Variants in EIF3K observed in about 807,000 individuals in gnomAD.
EIF3K encodes eIF-3 p28.
Under a neutral mutation model 34.2 loss-of-function variants are expected in EIF3K, and 27 were observed. That is an observed-to-expected ratio of 0.79 (90% CI 0.58 to 1.09). The LOEUF is 1.09. Among genes scored for constraint, EIF3K ranks in the 50% least tolerant of loss-of-function variants. The pLI is 0.00. For synonymous variants in EIF3K, 105 were observed against 105.7 expected (o/e 0.99, Z 0.04); for missense variants, 232 against 275.4 (o/e 0.84, Z 1.11).
At position 38,631,267 on chromosome 19, in the gene EIF3K, C is replaced by T. The variant is rs184884635; in HGVS notation, c.355-1163C>T. Among the ~76,000 whole-genome samples, 13 of 152,234 alleles carry T rather than the reference C, an allele frequency of 8.5e-5. 1 individual carries two copies. The East Asian group carries it at 2.5e-3, about 29-fold the overall frequency. On this transcript the variant is annotated intron_variant, in intron 4 of 7. Coordinates refer to ENST00000248342, the MANE Select transcript of EIF3K (RefSeq NM_013234.4). ...GGGGCCCAGGGGACCGCGTTCAGCA[C>T]ACGGAGGATCCCACCGGCCTCTGAG...
In EIF3K at chr19:38,626,138, C is replaced by T. The variant is rs764723245; in HGVS notation, c.354+36C>T. 4 of 1,593,054 alleles carry T rather than the reference C, an allele frequency of 2.5e-6. No homozygotes were observed. In the African/African-American group the frequency reaches 5.4e-5, roughly 21 times the overall value. The stretch of plus-strand genomic sequence containing the variant: ...TGGGGTCCAGGGGCAGGGGAGATGG[C>T]AGGGCCATGTGGAGCTGAGTGCTAA... On this transcript the variant is annotated intron_variant, in intron 4 of 7. Coordinates refer to ENST00000248342, the MANE Select transcript of EIF3K (RefSeq NM_013234.4).
intron 2 of EIF3K, among the ~76,000 whole-genome samples, chr19:38,623,303 C>G (rs1365930971): frequency 6.6e-6 from 1 of 152,180 alleles, no homozygotes; most frequent in Non-Finnish European, 1.5e-5. Flanking sequence ...CCCTGACTTC[C>G]CGCAACAGGT....
At chr19:38,630,409 A>G (rs1031928865) in intron 4 of EIF3K, among the ~76,000 whole-genome samples, 2 of 150,816 alleles carry the variant, frequency 1.3e-5, no homozygotes, top group Non-Finnish European at 3.0e-5. Context: ...CAGTGGCACA[A>G]TCTCAGCTCA....
At chr19:38,625,518 C>CTTTT (rs58008087) in intron 3 of EIF3K, among the ~76,000 whole-genome samples, 3 of 145,778 alleles carry the variant, frequency 2.1e-5, no homozygotes, top group African/African-American at 7.9e-5. Context: ...TTAATATTTT[C>CTTTT]TTTTTTTTTG....
At chr19:38,620,548 G>A (rs897918809) in intron 2 of EIF3K, 113 bp downstream of exon 2, 12 of 915,262 alleles carry the variant, frequency 1.3e-5, no homozygotes, top group African/African-American at 4.9e-5. Context: ...GCATCTCTTG[G>A]TGTGCAAGAC....
At chr19:38,619,947 T>C (rs541658260) in intron 1 of EIF3K, among the ~76,000 whole-genome samples, 2 of 151,998 alleles carry the variant, frequency 1.3e-5, no homozygotes, top group East Asian at 3.9e-4. Context: ...CAGGTGGACA[T>C]GGAGGAAGTA....
At chr19:38,620,274 C>T in intron 1 of EIF3K, 63 bp from the exon 2 acceptor site, 1 of 1,438,296 alleles carries the variant, frequency 7.0e-7, no homozygotes, top group Middle Eastern at 2.2e-4. Flanking sequence ...GCCCCTTGCT[C>T]CATAAGGTGG....
At chr19:38,628,424 C>T (rs1855232257) in intron 4 of EIF3K, 1 of 152,474 alleles carries the variant, frequency 6.6e-6, no homozygotes, top group African/African-American at 2.4e-5. Context: ...TTCCTCCTAG[C>T]TTCTCAGCTC....
Position 38,619,210 on chromosome 19 carries a change from GGA to G in EIF3K, c.-58_-57del. ...CACCTCTTCCTGTTCCCGTCCTTGA[GGA>G]CGCCGTGCCGGGTCAGTGTTAGCCT... On this transcript the variant is annotated 5_prime_UTR_variant, in exon 1 of 8. Transcript: ENST00000248342. 2 of 1,590,860 alleles carry G rather than the reference GGA, an allele frequency of 1.3e-6. No homozygotes were observed. Among genetic ancestry groups the G allele is most frequent in the South Asian group, 2.2e-5 (2 of 89,810 alleles).
chr19:38,628,857 C>T (rs987344888), intron 4 of EIF3K, among the ~76,000 whole-genome samples: 1 of 151,966 alleles, frequency 6.6e-6, no homozygotes, highest in Non-Finnish European at 1.5e-5. Context: ...GCATGTGACT[C>T]CCCTGTCCCC....
chr19:38,632,442 G>GAAA lies in EIF3K; in HGVS notation c.369_371dup (p.Glu123_Asn124insLys). ...ATTCCCATCACAGCAAGCCCTGGAT[G>GAAA]AAAACATGGACCTCTTGGAAGGTAT... On this transcript the variant is annotated inframe_insertion, in exon 5 of 8. Transcript: ENST00000248342. The GAAA allele has an allele frequency of 1.2e-6, 2 of 1,614,122 alleles. No homozygotes were observed.
At chr19:38,624,268 G>A in intron 3 of EIF3K, 71 bp downstream of exon 3, 2 of 1,600,762 alleles carry the variant, frequency 1.2e-6, no homozygotes, top group East Asian at 2.2e-5. Context: ...AATTCCCAGG[G>A]AGATGGTCTG....
intron 7 of EIF3K, among the ~76,000 whole-genome samples, 187 bp from the exon 8 acceptor site, chr19:38,636,702 G>T (rs1238741567): frequency 6.6e-6 from 1 of 152,120 alleles, no homozygotes; most frequent in Non-Finnish European, 1.5e-5. Flanking sequence ...GCTGGGATTT[G>T]AACCTAGCCC....
At position 38,635,011 on chromosome 19, in the gene EIF3K, G is replaced by A. The variant is rs1265084257; in HGVS notation, c.518G>A (p.Trp173Ter). The change falls in exon 7 of 8, where the codon TGG (tryptophan) becomes TAG (stop). Residue 173 changes from tryptophan to a stop codon, truncating the protein, a stop_gained. Transcript: ENST00000248342. LOFTEE classifies it high-confidence loss of function. Reference sequence around the variant, plus strand: ...CCTGCAGACAGCCAGCTAAAGGTGTGGATGAGCAAATACGGCTGGAGTGCC... The same window carrying A: ...CCTGCAGACAGCCAGCTAAAGGTGTAGATGAGCAAATACGGCTGGAGTGCC... ...GDLSDSQLKV[W>*]MSKYGWSADE... The A allele has an allele frequency of 6.2e-7, 1 of 1,614,052 alleles. No individual in the cohort carries two copies. The highest frequency in any genetic ancestry group is 1.7e-5 in the Admixed American group (1 of 60,012).
At chr19:38,632,892 C>T (rs778977900) in intron 6 of EIF3K, 3 of 516,312 alleles carry the variant, frequency 5.8e-6, no homozygotes, top group Non-Finnish European at 3.4e-6. Flanking sequence ...AATTGAGTGC[C>T]TACCGTGTGT....
intron 4 of EIF3K, among the ~76,000 whole-genome samples, chr19:38,630,343 A>T (rs78169965): frequency 0.054 from 7,054 of 131,204 alleles, 237 homozygotes; most frequent in South Asian, 0.12. Flanking sequence ...TTATTTATTT[A>T]TTTATTTTTT....
At chr19:38,623,551 C>T (rs896114184) in intron 2 of EIF3K, among the ~76,000 whole-genome samples, 2 of 152,182 alleles carry the variant, frequency 1.3e-5, no homozygotes, top group African/African-American at 4.8e-5. Context: ...GTGATCCGCC[C>T]ATCTCGGCCT....
intron 6 of EIF3K, among the ~76,000 whole-genome samples, chr19:38,633,332 C>G (rs1976111732): frequency 6.6e-6 from 1 of 151,822 alleles, no homozygotes; most frequent in South Asian, 2.1e-4. Context: ...TTAAAGATCC[C>G]CCCAAGAACA....
rs369118132 is a variant in EIF3K, at chr19:38,624,140, C to T, written c.222C>T (p.Leu74=). 3 of 1,614,202 alleles carry T rather than the reference C, an allele frequency of 1.9e-6. No homozygotes were observed. The highest frequency in any genetic ancestry group is 2.7e-5 in the African/African-American group (2 of 75,046). ...CCGCCCAGATCCTGCTGAAGGCCCT[C>T]ACCAACTTGCCGCACACAGACTTCA... The part of the protein sequence containing the change: ...TVTAQILLKA[L]TNLPHTDFTL... Residue 74 remains leucine (L), a synonymous_variant, in exon 3 of 8, where the codon CTC becomes CTT. Transcript: ENST00000248342.
Sources: gnomAD v4.1 joint callset for allele counts (sites outside exome capture counted in the v4.1 genomes callset) on GRCh38, gnomAD v4.1.1 for gene constraint, MANE v1.5 for transcripts, NCBI Gene and HGNC (gene_info 2026-07-23, HGNC 2026-07-21) for gene names.